SLC37A1: variants seen among roughly 807,000 people sequenced by gnomAD.
SLC37A1 encodes glucose-6-phosphate exchanger SLC37A1.
In SLC37A1, 49 loss-of-function variants were observed where a neutral mutation model predicts 75.3. The observed-to-expected ratio is 0.65, with a 90% CI of 0.52 to 0.83. The LOEUF (loss-of-function observed/expected upper bound fraction) is 0.83, where lower values mean the gene tolerates loss of function less well. Ranked by LOEUF, SLC37A1 falls within the 40% of genes least tolerant of loss-of-function variation. The pLI is 0.00. For missense variants in SLC37A1, 566 were observed against 695.0 expected (o/e 0.81, Z 2.09); for synonymous variants, 268 against 292.1 (o/e 0.92, Z 0.84).
intron 5 of SLC37A1, among the ~76,000 whole-genome samples, 173 bp from the exon 6 acceptor site, chr21:42,539,339 G>C (rs1463184492): frequency 1.3e-5 from 2 of 152,234 alleles, no homozygotes; most frequent in Admixed American, 6.5e-5. Flanking sequence ...TTTCTGGTGA[G>C]TAAGCGCTCC....
chr21:42,534,591 G>A (rs2146836261), intron 3 of SLC37A1, 107 bp from the exon 4 acceptor site: 2 of 1,409,400 alleles, frequency 1.4e-6, no homozygotes, highest in East Asian at 4.8e-5. Context: ...CAGGTGCCCT[G>A]GGCAGGCTGC....
exon 1 of SLC37A1, chr21:42,499,676 C>CGG (rs1317255286): frequency 6.6e-6 from 1 of 152,148 alleles, no homozygotes; most frequent in Non-Finnish European, 1.5e-5. Context: ...GAGGGAGGGC[C>CGG]GAGGGGAAGG....
At chr21:42,521,915 C>T (rs1450781579) in intron 2 of SLC37A1, among the ~76,000 whole-genome samples, 2 of 152,252 alleles carry the variant, frequency 1.3e-5, no homozygotes, top group Admixed American at 1.3e-4. Context: ...TACCCTCTCA[C>T]ATCCCTGGAG....
At chr21:42,556,640 G>C (rs2055699334) in intron 10 of SLC37A1, among the ~76,000 whole-genome samples, 2 of 152,222 alleles carry the variant, frequency 1.3e-5, no homozygotes, top group Admixed American at 1.3e-4. Flanking sequence ...CCCACCGGGG[G>C]CTCCACAGAT....
At chr21:42,516,349 G>A (rs1292330618) in intron 1 of SLC37A1, among the ~76,000 whole-genome samples, 2 of 152,146 alleles carry the variant, frequency 1.3e-5, no homozygotes, top group Non-Finnish European at 2.9e-5. Flanking sequence ...TGACCCAGGC[G>A]AGCCGCCTAG....
At chr21:42,546,423 A>C (rs374519357) in intron 8 of SLC37A1, among the ~76,000 whole-genome samples, 1 of 152,170 alleles carries the variant, frequency 6.6e-6, no homozygotes, top group Admixed American at 6.5e-5. Flanking sequence ...CATTACAGAC[A>C]TTCTTCCAGC....
chr21:42,563,371 G>A (rs954518351), intron 12 of SLC37A1, among the ~76,000 whole-genome samples: 2 of 152,304 alleles, frequency 1.3e-5, no homozygotes, highest in East Asian at 1.9e-4. Context: ...TCCCACACCC[G>A]GCTGGCTCAG....
chr21:42,549,351 C>T (rs530652312), intron 9 of SLC37A1, among the ~76,000 whole-genome samples: 1 of 152,178 alleles, frequency 6.6e-6, no homozygotes, highest in African/African-American at 2.4e-5. Flanking sequence ...GGCATTGCTT[C>T]TGCTCCTCGT....
At chr21:42,537,182 G>A (rs1253204533) in intron 5 of SLC37A1, among the ~76,000 whole-genome samples, 2 of 152,158 alleles carry the variant, frequency 1.3e-5, no homozygotes, top group African/African-American at 2.4e-5. Flanking sequence ...TTTATTGAAC[G>A]TGTGTATTTG....
intron 18 of SLC37A1, among the ~76,000 whole-genome samples, chr21:42,576,546 A>G (rs2147071538): frequency 1.3e-5 from 2 of 152,332 alleles, no homozygotes; most frequent in Admixed American, 1.3e-4. Context: ...ACAGTAACAG[A>G]CATAAAAAAT....
intron 1 of SLC37A1, among the ~76,000 whole-genome samples, chr21:42,516,439 T>C (rs74516908): frequency 0.065 from 9,878 of 152,266 alleles, 368 homozygotes; most frequent in Middle Eastern, 0.11. Flanking sequence ...ATGTCAGTCA[T>C]GGTTCGTGCT....
At chr21:42,516,059 T>C (rs2054515952) in intron 1 of SLC37A1, among the ~76,000 whole-genome samples, 1 of 152,224 alleles carries the variant, frequency 6.6e-6, no homozygotes, top group Non-Finnish European at 1.5e-5. Context: ...ATGCCTGGCC[T>C]AAGTTGCTGT....
intron 5 of SLC37A1, among the ~76,000 whole-genome samples, chr21:42,537,752 T>C (rs769483526): frequency 2.0e-5 from 3 of 152,230 alleles, no homozygotes; most frequent in Non-Finnish European, 2.9e-5. Flanking sequence ...CTTATGCAAC[T>C]TGTCAGTAAG....
rs145277112 is a variant in SLC37A1, at chr21:42,545,550, G to A, written c.731-1553G>A. ...GCCCAGGGTGAGCCCCAAAGGACAG[G>A]GCGTCCCCTGCTCCTTTCTCAGGCC... is the stretch of plus-strand genomic sequence containing the variant. On this transcript the variant is annotated intron_variant, in intron 8 of 19. Coordinates refer to ENST00000352133, the MANE Select transcript of SLC37A1 (RefSeq NM_001320537.2). The surrounding 1 kb of genome is among the most constrained non-coding windows in gnomAD (Gnocchi z 4.0). Among the ~76,000 whole-genome samples the A allele has an allele frequency of 1.5e-3, 234 of 152,320 alleles. No individual in the cohort carries two copies. Among genetic ancestry groups the A allele is most frequent in the African/African-American group, 5.5e-3 (227 of 41,554 alleles).
intron 2 of SLC37A1, among the ~76,000 whole-genome samples, chr21:42,508,042 C>T (rs1262397471): frequency 6.6e-6 from 1 of 151,924 alleles, no homozygotes; most frequent in Non-Finnish European, 1.5e-5. Context: ...CAAATGCTGG[C>T]CCAGAGGGAA....
chr21:42,543,164 A>G (rs1021358993), intron 7 of SLC37A1, among the ~76,000 whole-genome samples: 11 of 152,368 alleles, frequency 7.2e-5, no homozygotes, highest in Non-Finnish European at 1.6e-4. Flanking sequence ...AGGCCTTCCA[A>G]GACTTTCAGG....
intron 1 of SLC37A1, among the ~76,000 whole-genome samples, chr21:42,501,374 G>A (rs549078875): frequency 6.6e-6 from 1 of 152,314 alleles, no homozygotes; most frequent in East Asian, 1.9e-4. Flanking sequence ...AGAAATTACA[G>A]ACCCATTGGG....
chr21:42,576,448 A>C (rs2056311642), intron 18 of SLC37A1, among the ~76,000 whole-genome samples: 1 of 152,190 alleles, frequency 6.6e-6, no homozygotes, highest in Non-Finnish European at 1.5e-5. Flanking sequence ...TCAACCCTGC[A>C]GCATAGGATT....
At chr21:42,533,926 T>TG (rs2055063623) in intron 3 of SLC37A1, among the ~76,000 whole-genome samples, 1 of 152,220 alleles carries the variant, frequency 6.6e-6, no homozygotes, top group Admixed American at 6.5e-5. Context: ...GTGGACAGTT[T>TG]GGTGGGTGGG....
Sources: gnomAD v4.1 joint callset for allele counts (sites outside exome capture counted in the v4.1 genomes callset) on GRCh38, gnomAD v4.1.1 for gene constraint, Gnocchi (gnomAD v3.1) non-coding constraint, MANE v1.5 for transcripts, NCBI Gene and HGNC (gene_info 2026-07-23, HGNC 2026-07-21) for gene names.